Variants in LIPA observed in about 807,000 individuals in gnomAD.
LIPA encodes the protein lipase A, lysosomal acid type, also known as lysosomal acid lipase/cholesteryl ester hydrolase.
LIPA carries 26 observed loss-of-function variants against 40.6 expected under a neutral mutation model. The ratio of observed to expected loss-of-function variants is 0.64; its 90% confidence interval spans 0.47 to 0.89. The LOEUF (loss-of-function observed/expected upper bound fraction) is 0.89, where lower values mean the gene tolerates loss of function less well. Among genes scored for constraint, LIPA ranks in the 40% least tolerant of loss-of-function variants. The probability of loss-of-function intolerance (pLI) is 0.00; values close to 1 mark genes in which losing one functional copy is unlikely to be tolerated. For missense variants in LIPA, 455 were observed against 479.6 expected, an observed-to-expected ratio of 0.95 and a Z score of 0.48; for synonymous variants, 188 against 168.4, an observed-to-expected ratio of 1.12 and a Z score of -0.90.
intron 2 of LIPA, among the ~76,000 whole-genome samples, chr10:89,411,783 C>A (rs1047093595): frequency 6.6e-6 from 1 of 152,078 alleles, no homozygotes; most frequent in African/African-American, 2.4e-5. Context: ...AGGGATAGCA[C>A]GAGATGCCAC....
At chr10:89,384,962 T>C (rs1402400703) in intron 2 of LIPA, 8 of 510,210 alleles carry the variant, frequency 1.6e-5, no homozygotes, top group Non-Finnish European at 2.1e-5. Flanking sequence ...CCCCTGAAAG[T>C]ATCATCCCTC....
chr10:89,407,365 T>C (rs1442100970), intron 2 of LIPA, among the ~76,000 whole-genome samples: 1 of 152,174 alleles, frequency 6.6e-6, no homozygotes, highest in Non-Finnish European at 1.5e-5. Flanking sequence ...GCTTTTCTAG[T>C]TTCCCCTATA....
At chr10:89,291,221 T>G (rs1418072899) in intron 1 of LIPA, among the ~76,000 whole-genome samples, 2 of 152,016 alleles carry the variant, frequency 1.3e-5, no homozygotes, top group East Asian at 3.9e-4. Flanking sequence ...CTTCCCTCCA[T>G]TCTCTTCTTC....
At chr10:89,329,937 AG>A (rs1338738377) in intron 1 of LIPA, among the ~76,000 whole-genome samples, 3 of 151,932 alleles carry the variant, frequency 2.0e-5, no homozygotes, top group Non-Finnish European at 4.4e-5. Flanking sequence ...TTACTGTCAA[AG>A]GGGGGTTGTT....
At position 89,327,559 on chromosome 10, in the gene LIPA, A is replaced by AT. The variant is rs528801307; in HGVS notation, c.-2+15051_-2+15052insA. The stretch of plus-strand genomic sequence containing the variant: ...GAGTAAGACTCTGTCTCAAAAAAAA[A>AT]CAAAAACAAAAACAAAAAAAGAGTG... On this transcript the variant is annotated intron_variant, in intron 1 of 5. Transcript: ENST00000282673. Among the ~76,000 whole-genome samples the AT allele has an allele frequency of 5.9e-5, 9 of 152,180 alleles. No individual in the cohort carries two copies. The South Asian group carries it at 1.7e-3, about 28-fold the overall frequency.
intron 3 of LIPA, among the ~76,000 whole-genome samples, chr10:89,244,513 C>T (rs958274501): frequency 1.3e-5 from 2 of 151,974 alleles, no homozygotes; most frequent in East Asian, 1.9e-4. Flanking sequence ...ACCTGGGAGG[C>T]GGAGGTTGCA....
chr10:89,250,355 G>A (rs879521036), intron 1 of LIPA, among the ~76,000 whole-genome samples: 45 of 151,916 alleles, frequency 3.0e-4, no homozygotes, highest in Admixed American at 9.2e-4. Flanking sequence ...CGCCGGCCTC[G>A]GCCTCCAAAA....
At chr10:89,365,225 C>G (rs993309108) in intron 2 of LIPA, among the ~76,000 whole-genome samples, 2 of 152,168 alleles carry the variant, frequency 1.3e-5, no homozygotes, top group African/African-American at 4.8e-5. Flanking sequence ...AATTCCTTAC[C>G]TAATACCACT....
chr10:89,242,897 C>T (rs2133459129), intron 3 of LIPA, among the ~76,000 whole-genome samples: 1 of 152,248 alleles, frequency 6.6e-6, no homozygotes, highest in Admixed American at 6.5e-5. Context: ...TTCAGGCGCC[C>T]AGTTAAGTGG....
chr10:89,227,176 C>T (rs1842780784), intron 4 of LIPA, among the ~76,000 whole-genome samples, 172 bp from the exon 5 acceptor site: 1 of 152,240 alleles, frequency 6.6e-6, no homozygotes, highest in African/African-American at 2.4e-5. Flanking sequence ...GGCTCTCTTC[C>T]AGTTGTGTCT....
intron 1 of LIPA, among the ~76,000 whole-genome samples, chr10:89,268,242 C>G (rs1843247606): frequency 6.6e-6 from 1 of 152,176 alleles, no homozygotes; most frequent in East Asian, 1.9e-4. Flanking sequence ...GCTGTGCAAA[C>G]TAGTGTAAGA....
At chr10:89,402,799 C>A in intron 2 of LIPA, 1 of 1,614,220 alleles carries the variant, frequency 6.2e-7, no homozygotes, top group Non-Finnish European at 8.5e-7. Context: ...CCTGAAAACC[C>A]TGAATCCAGC....
At chr10:89,402,835 G>C in intron 2 of LIPA, 1 of 1,614,142 alleles carries the variant, frequency 6.2e-7, no homozygotes, top group Non-Finnish European at 8.5e-7. Context: ...TCTGCCTATC[G>C]CCTGGATGGC....
At chr10:89,356,378 C>T (rs1337602444) in intron 2 of LIPA, among the ~76,000 whole-genome samples, 2 of 152,158 alleles carry the variant, frequency 1.3e-5, no homozygotes, top group Non-Finnish European at 1.5e-5. Context: ...AGTCCGAGGC[C>T]TGTTAGGAAC....
intron 2 of LIPA, among the ~76,000 whole-genome samples, chr10:89,369,299 A>T (rs915548748): frequency 6.6e-6 from 1 of 152,164 alleles, no homozygotes; most frequent in African/African-American, 2.4e-5. Context: ...TAAATGAGAC[A>T]CTGGGCTGAG....
chr10:89,270,914 T>G (rs1373357020), intron 1 of LIPA, among the ~76,000 whole-genome samples: 1 of 152,234 alleles, frequency 6.6e-6, no homozygotes, highest in East Asian at 1.9e-4. Context: ...TGGCTTACTT[T>G]GGGGCTCTAG....
At chr10:89,349,796 T>C (rs1443582017) in intron 2 of LIPA, among the ~76,000 whole-genome samples, 1 of 152,172 alleles carries the variant, frequency 6.6e-6, no homozygotes, top group African/African-American at 2.4e-5. Context: ...GCTCAGACTA[T>C]GCCACCCCAA....
At chr10:89,338,800 T>C in intron 1 of LIPA, 1 of 1,614,020 alleles carries the variant, frequency 6.2e-7, no homozygotes, top group Non-Finnish European at 8.5e-7. Flanking sequence ...AAACACTGAG[T>C]TCAAAGCTAC....
chr10:89,272,330 T>C (rs942752373), intron 1 of LIPA, among the ~76,000 whole-genome samples: 2 of 152,164 alleles, frequency 1.3e-5, no homozygotes, highest in Admixed American at 1.3e-4. Flanking sequence ...CTCCCTCTTA[T>C]AAGTGAGAAC....
Sources: gnomAD v4.1 joint callset for allele counts (sites outside exome capture counted in the v4.1 genomes callset) on GRCh38, gnomAD v4.1.1 for gene constraint, MANE v1.5 for transcripts, NCBI Gene and HGNC (gene_info 2026-07-23, HGNC 2026-07-21) for gene names.